The following ORC5 variants were observed in gnomAD, a reference collection of about 807,000 sequenced individuals.
ORC5 encodes the protein origin recognition complex subunit 5.
ORC5 carries 39 observed loss-of-function variants against 58.8 expected under a neutral mutation model. The ratio of observed to expected loss-of-function variants is 0.66; its 90% CI spans 0.51 to 0.87. The LOEUF (loss-of-function observed/expected upper bound fraction) is 0.87, where lower values mean the gene tolerates loss of function less well. Among genes scored for constraint, ORC5 ranks in the 40% least tolerant of loss-of-function variants. The pLI, the probability that ORC5 is intolerant of heterozygous loss-of-function variation, is 0.00. For synonymous variants in ORC5, 218 were observed against 177.6 expected, an observed-to-expected ratio of 1.23 and a Z score of -1.81; for missense variants, 493 against 506.3, an observed-to-expected ratio of 0.97 and a Z score of 0.25.
At chr7:104,183,589 C>T (rs1409857906) in intron 8 of ORC5, among the ~76,000 whole-genome samples, 1 of 152,142 alleles carries the variant, frequency 6.6e-6, no homozygotes, top group Non-Finnish European at 1.5e-5. Context: ...AAAACATAAC[C>T]TTGTATAAAG....
chr7:104,191,226 G>T (rs1299730435), intron 5 of ORC5, among the ~76,000 whole-genome samples: 2 of 151,328 alleles, frequency 1.3e-5, no homozygotes, highest in Non-Finnish European at 2.9e-5. Context: ...TAGGCATGGG[G>T]AAATAGTTAA....
At chr7:104,152,723 C>A (rs17159497) in intron 12 of ORC5, among the ~76,000 whole-genome samples, 6,781 of 151,880 alleles carry the variant, frequency 0.045, 499 homozygotes, top group African/African-American at 0.16. Context: ...ATATTTCCCC[C>A]AAAAATGTGA....
At chr7:104,185,083 C>T (rs1307171652) in intron 6 of ORC5, among the ~76,000 whole-genome samples, 2 of 147,640 alleles carry the variant, frequency 1.4e-5, no homozygotes, top group Non-Finnish European at 3.0e-5. Context: ...GCTCCTGTGC[C>T]CATATGCATA....
intron 11 of ORC5, among the ~76,000 whole-genome samples, chr7:104,163,093 C>A (rs1799049838): frequency 6.6e-6 from 1 of 152,162 alleles, no homozygotes; most frequent in African/African-American, 2.4e-5. Context: ...AATCCTGTGA[C>A]TGATAATCTT....
chr7:104,151,833 T>C (rs1043921129), intron 12 of ORC5, among the ~76,000 whole-genome samples: 17 of 152,190 alleles, frequency 1.1e-4, no homozygotes, highest in Non-Finnish European at 1.2e-4. Flanking sequence ...TAGTTCCCTT[T>C]CTTGTTAACT....
intron 9 of ORC5, chr7:104,168,189 T>A (rs1056602022): frequency 1.3e-6 from 1 of 756,448 alleles, no homozygotes; most frequent in African/African-American, 1.8e-5. Flanking sequence ...CATAATTAGA[T>A]TGCTTTAATA....
chr7:104,182,841 A>C (rs998797302), intron 8 of ORC5, among the ~76,000 whole-genome samples: 1 of 152,176 alleles, frequency 6.6e-6, no homozygotes, highest in East Asian at 1.9e-4. Context: ...TTGCCTGTCA[A>C]ATTTCTGCAG....
chr7:104,200,767 A>C lies in ORC5; in HGVS notation c.357T>G (p.Thr119=). 1.9e-6 allele frequency: 3 copies of C among 1,576,708 alleles called. No individual in the cohort carries two copies. The highest frequency in any genetic ancestry group is 2.6e-6 in the Non-Finnish European group (3 of 1,147,176). ...VTTAENLKDQ[T]VYIVLDKAEY... ...AAATGAAATTACTTACAATATATACAGTCTGATCTTTAAGATTTTCAGCTG... is the reference window on the plus strand; with the variant it reads ...AAATGAAATTACTTACAATATATACCGTCTGATCTTTAAGATTTTCAGCTG... The change falls in exon 3 of 14, where the codon ACT becomes ACG. Residue 119 remains threonine (T), a synonymous_variant. Transcript: ENST00000297431.
At position 104,138,597 on chromosome 7, in the gene ORC5, C is replaced by A. The variant is rs1415231070; in HGVS notation, c.1150-1704G>T. On this transcript the variant is annotated intron_variant, in intron 12 of 13. Transcript: ENST00000297431. The surrounding 1 kb of genome is among the most constrained non-coding windows in gnomAD (Gnocchi z 4.7). The stretch of plus-strand genomic sequence containing the variant: ...CAATCATGGCTCACTGCAGCCTCAA[C>A]CTCCCCAGACTCAGGTGATCCTCCC... Among the ~76,000 whole-genome samples the A allele has an allele frequency of 6.6e-6, 1 of 152,010 alleles. No homozygotes were observed.
intron 12 of ORC5, among the ~76,000 whole-genome samples, chr7:104,148,469 C>T (rs1335278390): frequency 1.3e-5 from 2 of 152,066 alleles, no homozygotes; most frequent in African/African-American, 4.8e-5. Context: ...GCAAGTAAAA[C>T]AGAGAAAAAG....
intron 8 of ORC5, among the ~76,000 whole-genome samples, chr7:104,173,016 G>A (rs1037710886): frequency 2.0e-5 from 3 of 148,482 alleles, no homozygotes; most frequent in Non-Finnish European, 4.5e-5. Flanking sequence ...TACAAATTGT[G>A]TAACATAATG....
At position 104,128,631 on chromosome 7, in the gene ORC5, G is replaced by A. The variant is rs541123427; in HGVS notation, c.1263-1738C>T. 3.3e-5 allele frequency among the ~76,000 whole-genome samples: 5 copies of A among 149,576 alleles called. No homozygotes were observed. In the South Asian group the frequency reaches 8.5e-4, roughly 26 times the overall value. ...GCTGGTGTGCTGCACCCATTAACTC[G>A]TCATTTAGCATTAGGTATATCTCCT... On this transcript the variant is annotated intron_variant, in intron 13 of 13. Transcript: ENST00000297431.
intron 12 of ORC5, among the ~76,000 whole-genome samples, chr7:104,150,797 GACA>G (rs1168106978): frequency 6.6e-6 from 1 of 152,150 alleles, no homozygotes; most frequent in Non-Finnish European, 1.5e-5. Context: ...AAAATGAACA[GACA>G]ACGTCTATGC....
At chr7:104,151,887 C>A (rs762453325) in intron 12 of ORC5, among the ~76,000 whole-genome samples, 52 of 152,278 alleles carry the variant, frequency 3.4e-4, no homozygotes, top group Non-Finnish European at 5.0e-4. Context: ...ATTCAATTAA[C>A]CACCACCATT....
At chr7:104,144,563 C>T (rs1798724905) in intron 12 of ORC5, among the ~76,000 whole-genome samples, 1 of 152,184 alleles carries the variant, frequency 6.6e-6, no homozygotes, top group African/African-American at 2.4e-5. Flanking sequence ...CGAGACAGGC[C>T]TGGCCAACAG....
At position 104,199,777 on chromosome 7, in the gene ORC5, T is replaced by C. The variant is rs534600353; in HGVS notation, c.366+981A>G. Among the ~76,000 whole-genome samples, 41 of 152,298 alleles carry C rather than the reference T, an allele frequency of 2.7e-4. No homozygotes were observed. In the South Asian group the frequency reaches 8.3e-3, roughly 31 times the overall value. On this transcript the variant is annotated intron_variant, in intron 3 of 13. Coordinates refer to ENST00000297431, the MANE Select transcript of ORC5 (RefSeq NM_002553.4). ...GACTATTGGGAAGCCACAGTTGACT[T>C]TGAAATGTGAAACCGACATGAGATT...
intron 1 of ORC5, among the ~76,000 whole-genome samples, chr7:104,205,664 G>A (rs959346959): frequency 2.0e-5 from 3 of 152,192 alleles, no homozygotes; most frequent in Non-Finnish European, 2.9e-5. Context: ...AATAGGTAAT[G>A]TAATACATGA....
intron 2 of ORC5, among the ~76,000 whole-genome samples, chr7:104,201,932 T>TA (rs926118992): frequency 5.9e-5 from 9 of 151,292 alleles, no homozygotes; most frequent in South Asian, 4.2e-4. Context: ...TTTAAAAAAG[T>TA]AAAAAAAATT....
intron 2 of ORC5, among the ~76,000 whole-genome samples, chr7:104,203,065 A>G (rs1184956069): frequency 6.6e-6 from 1 of 152,244 alleles, no homozygotes; most frequent in Non-Finnish European, 1.5e-5. Context: ...TAAGTAGAAG[A>G]AAACCTGGCA....
Sources: allele counts gnomAD v4.1 joint callset (sites outside exome capture counted in the v4.1 genomes callset), GRCh38; gene constraint gnomAD v4.1.1; non-coding constraint Gnocchi (gnomAD v3.1); transcripts MANE v1.5; gene names NCBI Gene and HGNC (gene_info 2026-07-23, HGNC 2026-07-21).